Variants in ANKMY1 observed in about 807,000 individuals in gnomAD.
ANKMY1 encodes the protein ankyrin repeat and MYND domain-containing protein 1.
Under a neutral mutation model 102.0 loss-of-function variants are expected in ANKMY1, and 98 were observed. The ratio of observed to expected loss-of-function variants is 0.96; its 90% confidence interval spans 0.82 to 1.14. ANKMY1 has a LOEUF of 1.14. Ranked by LOEUF, ANKMY1 falls within the 50% of genes most tolerant of loss-of-function variation. ANKMY1 has a pLI of 0.00. For synonymous variants in ANKMY1, 582 were observed against 559.9 expected (o/e 1.04, Z -0.56); for missense variants, 1,330 against 1,347.6 (o/e 0.99, Z 0.20).
chr2:240,500,316 C>T (rs1023877305), intron 14 of ANKMY1, 136 bp downstream of exon 14: 1 of 1,158,486 alleles, frequency 8.6e-7, no homozygotes, highest in Non-Finnish European at 1.2e-6. Flanking sequence ...TTCACCTCTG[C>T]AGCCAAGGGG....
chr2:240,560,917 T>G (rs1342949821), upstream of ANKMY1: 1 of 1,536,002 alleles, frequency 6.5e-7, no homozygotes, highest in Non-Finnish European at 8.7e-7. Context: ...GCTGAGGACC[T>G]GCTGGCGCAC....
At chr2:240,557,552 G>T in intron 1 of ANKMY1, 200 bp from the exon 2 acceptor site, 2 of 529,814 alleles carry the variant, frequency 3.8e-6, no homozygotes, top group Non-Finnish European at 6.0e-6. Context: ...GGAACCATGG[G>T]TAAACTTCAC....
At chr2:240,545,787 A>C (rs559791766) in intron 4 of ANKMY1, among the ~76,000 whole-genome samples, 1,889 of 152,320 alleles carry the variant, frequency 0.012, 128 homozygotes, top group Admixed American at 0.1. Context: ...GAATGAAATG[A>C]AGCGAGAAGG....
chr2:240,557,255 C>G lies in ANKMY1; in HGVS notation c.81G>C (p.Lys27Asn). The G allele has an allele frequency of 6.3e-7, 1 of 1,596,042 alleles. No homozygotes were observed. The highest frequency in any genetic ancestry group is 8.5e-7 in the Non-Finnish European group (1 of 1,170,716). ...AGSRQRPLEG[K>N]GGETPAAEEP... ...CCTCGGCAGCAGGGGTCTCGCCGCC[C>G]TTCCCCTCTAGCGGGCGTTGGCGGC... The change falls in exon 2 of 18, where the codon AAG becomes AAC. Residue 27 changes from lysine (K) to asparagine (N), a missense_variant. Coordinates refer to ENST00000401804, the MANE Select transcript of ANKMY1 (RefSeq NM_001282771.3).
At chr2:240,531,368 C>A (rs1473256875) in intron 4 of ANKMY1, among the ~76,000 whole-genome samples, 8 of 152,190 alleles carry the variant, frequency 5.3e-5, no homozygotes, top group African/African-American at 1.9e-4. Flanking sequence ...ACTGTTTTGA[C>A]CAGCAACCCC....
At position 240,530,493 on chromosome 2, in the gene ANKMY1, G is replaced by A. The variant is rs186642397; in HGVS notation, c.481-984C>T. Among the ~76,000 whole-genome samples, 768 of 152,308 alleles carry A rather than the reference G, an allele frequency of 5.0e-3. 1 individual carries two copies. The highest frequency in any genetic ancestry group is 7.9e-3 in the Admixed American group (121 of 15,304). The stretch of plus-strand genomic sequence containing the variant: ...CTTGCTCCTGCTCCCACCACATGAT[G>A]TGCCTGCTCCCCGTTCACCTTCCAA... On this transcript the variant is annotated intron_variant, in intron 4 of 17. Transcript: ENST00000401804.
At chr2:240,504,078 A>G (rs1013369611) in intron 13 of ANKMY1, among the ~76,000 whole-genome samples, 5 of 152,222 alleles carry the variant, frequency 3.3e-5, no homozygotes, top group Non-Finnish European at 7.3e-5. Context: ...CGCCCAGGCT[A>G]TGGTCTGCTG....
chr2:240,541,154 T>A (rs1031135204), intron 4 of ANKMY1, among the ~76,000 whole-genome samples: 1 of 152,150 alleles, frequency 6.6e-6, no homozygotes, highest in African/African-American at 2.4e-5. Flanking sequence ...CTGTGTGTTG[T>A]GTGTGTGCCT....
At chr2:240,543,300 C>G (rs2089474641) in intron 4 of ANKMY1, among the ~76,000 whole-genome samples, 1 of 151,520 alleles carries the variant, frequency 6.6e-6, no homozygotes, top group Admixed American at 6.6e-5. Flanking sequence ...TTGCAGTGAG[C>G]CGAGACCGTA....
At chr2:240,469,619 A>G in the ANKMY1 span, among the ~76,000 whole-genome samples, 1 of 147,588 alleles carries the variant, frequency 6.8e-6, no homozygotes, top group Non-Finnish European at 1.5e-5. Context: ...TCTGCTCCAC[A>G]CGAACATACA....
At chr2:240,526,666 T>G (rs1421133828) in intron 5 of ANKMY1, 1 of 1,429,802 alleles carries the variant, frequency 7.0e-7, no homozygotes, top group African/African-American at 1.4e-5. Context: ...GAGGTCAAGA[T>G]GCTTGGGCTA....
chr2:240,506,527 A>C lies in ANKMY1; in HGVS notation c.2526+1033T>G, dbSNP rs1449543224. 6.6e-6 allele frequency among the ~76,000 whole-genome samples: 1 copy of C among 152,196 alleles called. No individual in the cohort carries two copies. The highest frequency in any genetic ancestry group is 1.5e-5 in the Non-Finnish European group (1 of 68,046). On this transcript the variant is annotated intron_variant, in intron 13 of 17. Coordinates refer to ENST00000401804, the MANE Select transcript of ANKMY1 (RefSeq NM_001282771.3). This position sits in a 1 kb window ranked among gnomAD's most constrained non-coding sequence, Gnocchi z 4.9. Reference sequence around the variant, plus strand: ...GATCTGGAAACAGCATCTCAAGATAAGTCTCAGTTCTTTTAAGTAAAGCTA... The same window carrying C: ...GATCTGGAAACAGCATCTCAAGATACGTCTCAGTTCTTTTAAGTAAAGCTA...
chr2:240,489,546 T>C (rs1205136687), intron 15 of ANKMY1, among the ~76,000 whole-genome samples: 1 of 152,250 alleles, frequency 6.6e-6, no homozygotes, highest in Non-Finnish European at 1.5e-5. Flanking sequence ...ATATGGTTTT[T>C]GTCCTTCATT....
chr2:240,526,552 A>C, intron 5 of ANKMY1, 107 bp from the exon 6 acceptor site: 2 of 1,527,118 alleles, frequency 1.3e-6, no homozygotes, highest in East Asian at 4.8e-5. Context: ...CTTGTGGCTC[A>C]GCCCCCCACT....
At chr2:240,547,884 C>G (rs2090736164) in intron 4 of ANKMY1, among the ~76,000 whole-genome samples, 1 of 151,336 alleles carries the variant, frequency 6.6e-6, no homozygotes, top group African/African-American at 2.4e-5. Context: ...GTTTACCAAC[C>G]AAAAAGAGTC....
chr2:240,491,279 G>C (rs1301765386), intron 15 of ANKMY1, among the ~76,000 whole-genome samples: 2 of 151,830 alleles, frequency 1.3e-5, no homozygotes, highest in Non-Finnish European at 2.9e-5. Context: ...TTTTGATCAT[G>C]GATCATTTTT....
At chr2:240,547,944 A>G (rs574358937) in intron 4 of ANKMY1, among the ~76,000 whole-genome samples, 6 of 152,344 alleles carry the variant, frequency 3.9e-5, no homozygotes, top group Admixed American at 6.5e-5. Flanking sequence ...ACAAGGGGGA[A>G]CTGGTACCAT....
In ANKMY1 at chr2:240,520,952, A is replaced by G. The variant is rs533717099; in HGVS notation, c.1833-419T>C. On this transcript the variant is annotated intron_variant, in intron 8 of 17. Transcript: ENST00000401804. This position sits in a 1 kb window ranked among gnomAD's most constrained non-coding sequence, Gnocchi z 4.8. Reference sequence around the variant, plus strand: ...CAGCACACAACCACACAAACCACACACACACCACACACACCACTCACACCA... The same window carrying G: ...CAGCACACAACCACACAAACCACACGCACACCACACACACCACTCACACCA... Among the ~76,000 whole-genome samples, 1,334 of 151,564 alleles carry G rather than the reference A, an allele frequency of 8.8e-3. 7 individuals are homozygous for G. The highest frequency in any genetic ancestry group is 0.016 in the Non-Finnish European group (1,059 of 67,830).
intron 4 of ANKMY1, among the ~76,000 whole-genome samples, chr2:240,536,875 T>C (rs937740044): frequency 1.8e-4 from 28 of 152,278 alleles, no homozygotes; most frequent in African/African-American, 6.5e-4. Flanking sequence ...TTCATTTTGA[T>C]TTTTTAAAAT....
Sources: gnomAD v4.1 joint callset for allele counts (sites outside exome capture counted in the v4.1 genomes callset) on GRCh38, gnomAD v4.1.1 for gene constraint, Gnocchi (gnomAD v3.1) non-coding constraint, MANE v1.5 for transcripts, NCBI Gene and HGNC (gene_info 2026-07-23, HGNC 2026-07-21) for gene names.